Variants in PCMT1 observed in about 807,000 individuals in gnomAD.
The protein encoded by PCMT1 is protein-L-isoaspartate(D-aspartate) O-methyltransferase.
PCMT1 carries 9 observed loss-of-function variants against 29.2 expected under a neutral mutation model. The observed-to-expected ratio is 0.31, with a 90% CI of 0.19 to 0.54. The LOEUF is 0.54. Ranked by LOEUF, PCMT1 falls within the 20% of genes least tolerant of loss-of-function variation. The probability of loss-of-function intolerance (pLI) is 0.95; values close to 1 mark genes in which losing one functional copy is unlikely to be tolerated. For synonymous variants in PCMT1, 98 were observed against 97.5 expected, an observed-to-expected ratio of 1.00 and a Z score of -0.03; for missense variants, 184 against 282.2, an observed-to-expected ratio of 0.65 and a Z score of 2.49.
intron 3 of PCMT1, among the ~76,000 whole-genome samples, chr6:149,773,485 T>G (rs1787424637): frequency 6.6e-6 from 1 of 152,180 alleles, no homozygotes; most frequent in South Asian, 2.1e-4. Context: ...TTCATGCCAT[T>G]CTCCTGCCTC....
chr6:149,788,017 A>G (rs1304091179), intron 3 of PCMT1, among the ~76,000 whole-genome samples: 3 of 152,058 alleles, frequency 2.0e-5, no homozygotes, highest in South Asian at 4.1e-4. Flanking sequence ...TCTCGGGTTC[A>G]CGCCATTGTC....
At chr6:149,753,363 G>A (rs920954216) in intron 1 of PCMT1, among the ~76,000 whole-genome samples, 7 of 118,358 alleles carry the variant, frequency 5.9e-5, no homozygotes, top group African/African-American at 2.3e-4. Context: ...ACAGAGTTTC[G>A]CTCTTATTGC....
At chr6:149,775,551 T>A (rs998370392) in intron 3 of PCMT1, among the ~76,000 whole-genome samples, 1 of 151,486 alleles carries the variant, frequency 6.6e-6, no homozygotes, top group Non-Finnish European at 1.5e-5. Flanking sequence ...ACAAAAAATT[T>A]TAAAAATTAG....
intron 1 of PCMT1, among the ~76,000 whole-genome samples, chr6:149,768,505 G>A (rs1267023969): frequency 3.7e-5 from 5 of 135,450 alleles, no homozygotes; most frequent in Non-Finnish European, 7.6e-5. Flanking sequence ...AGGCTGGAGC[G>A]CAGTGGCATG....
chr6:149,752,323 G>A (rs993894223), intron 1 of PCMT1, among the ~76,000 whole-genome samples: 42 of 151,708 alleles, frequency 2.8e-4, no homozygotes, highest in Non-Finnish European at 5.0e-4. Context: ...TCAGCCTCCC[G>A]AGTAGCTGGG....
In PCMT1 at chr6:149,773,314, T is replaced by G; in HGVS notation, c.192+145T>G. 9.1e-6 allele frequency: 6 copies of G among 659,062 alleles called. 1 individual carries two copies. Among genetic ancestry groups the G allele is most frequent in the Non-Finnish European group, 1.6e-5 (6 of 379,044 alleles). 40.8% of individuals were successfully genotyped at this position (659,062 alleles called of 1,614,324 possible). The stretch of plus-strand genomic sequence containing the variant: ...TGGTAATGAACATCATTTTCTTTTT[T>G]GAACATCTTATTCTTAATACAGGGT... On this transcript the variant is annotated intron_variant, in intron 3 of 7. Coordinates refer to ENST00000464889, the MANE Select transcript of PCMT1 (RefSeq NM_001360452.2).
intron 3 of PCMT1, among the ~76,000 whole-genome samples, chr6:149,776,696 G>A: frequency 6.6e-6 from 1 of 152,058 alleles, no homozygotes. Flanking sequence ...ACAGGCATAA[G>A]CCACCATGCC....
rs1435416145 is a variant in PCMT1, at chr6:149,775,714, A to G, written c.192+2545A>G. ...CAGAGACCCTCATCTCAATAATAATAATTAACGATTGAGGGAAATATTGTA... is the reference window on the plus strand; with the variant it reads ...CAGAGACCCTCATCTCAATAATAATGATTAACGATTGAGGGAAATATTGTA... On this transcript the variant is annotated intron_variant, in intron 3 of 7. Transcript: ENST00000464889. Among the ~76,000 whole-genome samples the G allele has an allele frequency of 2.0e-5, 3 of 152,160 alleles. No homozygotes were observed. The East Asian group carries it at 5.8e-4, about 29-fold the overall frequency.
chr6:149,808,074 A>G (rs1166772705), intron 7 of PCMT1, among the ~76,000 whole-genome samples: 31 of 152,196 alleles, frequency 2.0e-4, no homozygotes, highest in Admixed American at 2.0e-3. Flanking sequence ...GAAAACGTTC[A>G]TGGATTTTGA....
At chr6:149,780,943 T>G (rs1014432092) in intron 3 of PCMT1, among the ~76,000 whole-genome samples, 1 of 152,216 alleles carries the variant, frequency 6.6e-6, no homozygotes, top group African/African-American at 2.4e-5. Context: ...TCAAAGCAGC[T>G]GCACCATTTT....
At chr6:149,786,024 G>T (rs1788034716) in intron 3 of PCMT1, among the ~76,000 whole-genome samples, 3 of 148,910 alleles carry the variant, frequency 2.0e-5, no homozygotes, top group Admixed American at 2.0e-4. Context: ...GGGGCGGCTG[G>T]CCGGGCGGGG....
At position 149,780,658 on chromosome 6, in the gene PCMT1, AGATTGATCCCTGTTGTAGTGT is replaced by A. The variant is rs1432369156; in HGVS notation, c.192+7492_192+7512del. On this transcript the variant is annotated intron_variant, in intron 3 of 7. Coordinates refer to ENST00000464889, the MANE Select transcript of PCMT1 (RefSeq NM_001360452.2). ...TTTTAAATTTAGCATAATGTTTTCA[AGATTGATCCCTGTTGTAGTGT>A]GAATCAGTACTTCTGTCCTTTTTAT... 2.0e-5 allele frequency among the ~76,000 whole-genome samples: 3 copies of A among 152,346 alleles called. No individual in the cohort carries two copies. In the South Asian group the frequency reaches 6.2e-4, roughly 32 times the overall value.
chr6:149,762,084 T>C (rs1344042993), intron 1 of PCMT1, among the ~76,000 whole-genome samples: 1 of 152,152 alleles, frequency 6.6e-6, no homozygotes, highest in Non-Finnish European at 1.5e-5. Context: ...ATAACTCTTG[T>C]ATAGTGTTTT....
chr6:149,801,864 C>CA (rs1775837192), intron 6 of PCMT1, among the ~76,000 whole-genome samples: 5 of 152,156 alleles, frequency 3.3e-5, no homozygotes, highest in Admixed American at 3.3e-4. Context: ...CACAGTAGCT[C>CA]ACGCCTGTAA....
At chr6:149,776,068 A>G (rs1787551972) in intron 3 of PCMT1, among the ~76,000 whole-genome samples, 1 of 152,054 alleles carries the variant, frequency 6.6e-6, no homozygotes, top group Non-Finnish European at 1.5e-5. Context: ...CTGAGGCAGG[A>G]GAATCGCTTG....
chr6:149,749,917 G>A lies in PCMT1; in HGVS notation c.16G>A (p.Gly6Ser). The A allele has an allele frequency of 6.2e-7, 1 of 1,607,822 alleles. No homozygotes were observed. Among genetic ancestry groups the A allele is most frequent in the Non-Finnish European group, 8.5e-7 (1 of 1,177,942 alleles). MAWKS[G>S]GASHSELIHN... ...GTGCTTAGCGATGGCCTGGAAATCC[G>A]GCGGCGCCAGCCACTCGGAGCTAAT... Residue 6 changes from glycine (G) to serine (S), a missense_variant, in exon 1 of 8, where the codon GGC (glycine) becomes AGC (serine). Physicochemically the swap from Gly to Ser is moderately conservative, Grantham distance 56 (BLOSUM62 0). Coordinates refer to ENST00000464889, the MANE Select transcript of PCMT1 (RefSeq NM_001360452.2).
intron 7 of PCMT1, among the ~76,000 whole-genome samples, chr6:149,802,818 C>T (rs994546850): frequency 1.7e-4 from 26 of 151,696 alleles, no homozygotes; most frequent in Admixed American, 2.6e-4. Flanking sequence ...CTTTGGGAGG[C>T]CTAGGTGGGC....
intron 1 of PCMT1, among the ~76,000 whole-genome samples, chr6:149,756,856 T>TA (rs1385148804): frequency 6.6e-6 from 1 of 151,676 alleles, no homozygotes; most frequent in Non-Finnish European, 1.5e-5. Context: ...TTAAATTATA[T>TA]AAAAATAAAT....
At chr6:149,804,080 C>CAAAAAA (rs58975454) in intron 7 of PCMT1, among the ~76,000 whole-genome samples, 4 of 77,512 alleles carry the variant, frequency 5.2e-5, no homozygotes, top group African/African-American at 1.4e-4. Context: ...GACTCTGTCT[C>CAAAAAA]AAAAAAAAAA....
Sources: allele counts gnomAD v4.1 joint callset (sites outside exome capture counted in the v4.1 genomes callset), GRCh38; gene constraint gnomAD v4.1.1; transcripts MANE v1.5; gene names NCBI Gene and HGNC (gene_info 2026-07-23, HGNC 2026-07-21).